Variants in PUS10 observed in about 807,000 individuals in gnomAD.
The protein encoded by PUS10 is tRNA pseudouridine synthase Pus10.
A neutral mutation model predicts 75.0 loss-of-function variants in PUS10; 59 were observed. The observed-to-expected ratio is 0.79, with a 90% CI of 0.64 to 0.98. PUS10 has a LOEUF of 0.98. Ranked by LOEUF, PUS10 falls within the 50% of genes least tolerant of loss-of-function variation. PUS10 has a pLI of 0.00. For synonymous variants in PUS10, 219 were observed against 211.6 expected (o/e 1.03, Z -0.30); for missense variants, 650 against 614.4 (o/e 1.06, Z -0.61).
At chr2:60,980,690 T>C (rs892025444) in intron 4 of PUS10, among the ~76,000 whole-genome samples, 1 of 152,164 alleles carries the variant, frequency 6.6e-6, no homozygotes, top group African/African-American at 2.4e-5. Context: ...CAAACACACA[T>C]GAACACACAA....
Position 60,956,974 on chromosome 2 carries a change from C to CAAAAAAAAAAAAAAAAAAAAA in PUS10, c.1001-1921_1001-1901dup, listed in dbSNP as rs56804354. Among the ~76,000 whole-genome samples the CAAAAAAAAAAAAAAAAAAAAA allele has an allele frequency of 2.0e-3, 38 of 19,218 alleles. 1 individual carries two copies. Among genetic ancestry groups the CAAAAAAAAAAAAAAAAAAAAA allele is most frequent in the East Asian group, 4.2e-3 (1 of 238 alleles). 12.6% of individuals were successfully genotyped at this position (19,218 alleles called of 152,430 possible). Reference sequence around the variant, plus strand: ...CGGGTGACAGAGCGAGACTCCATCTCAAAAAAAAAAAAAAAAAAAAAAAAA... The same window carrying CAAAAAAAAAAAAAAAAAAAAA: ...CGGGTGACAGAGCGAGACTCCATCTCAAAAAAAAAAAAAAAAAAAAAAAAAAAAAAAAAAAAAAAAAAAAAA... On this transcript the variant is annotated intron_variant, in intron 11 of 17. Transcript: ENST00000316752.
At chr2:61,013,121 T>C (rs896505600) in intron 1 of PUS10, among the ~76,000 whole-genome samples, 1 of 151,594 alleles carries the variant, frequency 6.6e-6, no homozygotes, top group Non-Finnish European at 1.5e-5. Flanking sequence ...GGCATGGTGG[T>C]ACACACCTGT....
chr2:60,982,494 C>T (rs1677459295), intron 4 of PUS10, among the ~76,000 whole-genome samples: 1 of 151,988 alleles, frequency 6.6e-6, no homozygotes, highest in East Asian at 1.9e-4. Context: ...AACTCCTGAC[C>T]TCAAATGATC....
At chr2:61,012,337 C>A (rs1391025994) in intron 1 of PUS10, among the ~76,000 whole-genome samples, 1 of 151,978 alleles carries the variant, frequency 6.6e-6, no homozygotes, top group Admixed American at 6.6e-5. Context: ...GGTAGTGGGG[C>A]TCAGAAAGCC....
At chr2:60,953,187 T>A (rs1439137604) in intron 14 of PUS10, 73 bp from the exon 15 acceptor site, 1 of 791,700 alleles carries the variant, frequency 1.3e-6, no homozygotes, top group African/African-American at 1.7e-5. Context: ...GAATTAGCCT[T>A]TCTTTAAAAA....
intron 2 of PUS10, among the ~76,000 whole-genome samples, chr2:61,011,257 T>A (rs895512991): frequency 6.6e-6 from 1 of 152,188 alleles, no homozygotes; most frequent in African/African-American, 2.4e-5. Context: ...ACCATAAATG[T>A]CAAAGATCTC....
chr2:60,992,903 G>A (rs1319343754), intron 4 of PUS10, among the ~76,000 whole-genome samples: 1 of 152,148 alleles, frequency 6.6e-6, no homozygotes, highest in Non-Finnish European at 1.5e-5. Flanking sequence ...TACACAAGTA[G>A]CTTTCAAATT....
chr2:60,986,489 C>T (rs1348568129), intron 4 of PUS10, among the ~76,000 whole-genome samples: 1 of 151,992 alleles, frequency 6.6e-6, no homozygotes, highest in African/African-American at 2.4e-5. Context: ...CACACAAGCC[C>T]CATATATCAT....
intron 4 of PUS10, among the ~76,000 whole-genome samples, chr2:60,986,922 T>C (rs1220879807): frequency 6.6e-6 from 1 of 152,154 alleles, no homozygotes; most frequent in East Asian, 1.9e-4. Context: ...AAAAAAGAGG[T>C]TTCTTGTAAA....
chr2:60,985,326 T>G (rs922326202), intron 4 of PUS10, among the ~76,000 whole-genome samples: 23 of 152,340 alleles, frequency 1.5e-4, no homozygotes, highest in African/African-American at 4.3e-4. Flanking sequence ...TAAAATGTAC[T>G]ATATTTATAG....
rs376152769 is a variant in PUS10 at position 60,961,453 on chromosome 2, A to C, written c.874+10T>G. ...CACAGTGTATGTATATTCTAGACTA[A>C]ATATTTTACCAGCCACAAAAACAGC... is the stretch of plus-strand genomic sequence containing the variant. On this transcript the variant is annotated intron_variant, in intron 10 of 17. Transcript: ENST00000316752. 2 of 1,608,206 alleles carry C rather than the reference A, an allele frequency of 1.2e-6. No individual in the cohort carries two copies. The highest frequency in any genetic ancestry group is 4.5e-5 in the East Asian group (2 of 44,848).
chr2:60,962,871 G>C lies in PUS10; in HGVS notation c.743C>G (p.Ala248Gly), dbSNP rs747877945. The C allele has an allele frequency of 1.3e-6, 2 of 1,568,448 alleles. No homozygotes were observed. The highest frequency in any genetic ancestry group is 2.8e-5 in the African/African-American group (2 of 70,544). ...TATCTTATTCAAGGCTTTCATAACT[G>C]CCATTCTAGTGAATACAGACTATAT... ...KNKQSVFTRM[A>G]VMKALNKIKE... Residue 248 changes from alanine (A) to glycine (G), a missense_variant, in exon 9 of 18, where the codon GCA becomes GGA. By Grantham distance (60) the Ala-to-Gly change is moderately conservative (BLOSUM62 0). Transcript: ENST00000316752.
At chr2:61,016,419 T>C (rs867652305) in intron 1 of PUS10, among the ~76,000 whole-genome samples, 16 of 152,260 alleles carry the variant, frequency 1.1e-4, no homozygotes, top group African/African-American at 3.6e-4. Context: ...CGTGAGATAA[T>C]TAAATGCCAG....
intron 4 of PUS10, among the ~76,000 whole-genome samples, chr2:60,997,877 G>T (rs1250406425): frequency 6.6e-6 from 1 of 152,172 alleles, no homozygotes; most frequent in South Asian, 2.1e-4. Context: ...ATTGAATGAA[G>T]TGGACCTTGG....
chr2:60,974,797 A>G (rs1297121798), intron 4 of PUS10, among the ~76,000 whole-genome samples: 2 of 151,312 alleles, frequency 1.3e-5, no homozygotes, highest in South Asian at 4.2e-4. Flanking sequence ...CGATGGCTGG[A>G]CCCCATGCTC....
chr2:60,983,799 G>A (rs554206926), intron 4 of PUS10, among the ~76,000 whole-genome samples: 1 of 150,720 alleles, frequency 6.6e-6, no homozygotes, highest in African/African-American at 2.4e-5. Context: ...TAGTAAAAAA[G>A]AAATGACAAA....
At chr2:60,947,605 G>A (rs1361478229) in intron 16 of PUS10, among the ~76,000 whole-genome samples, 2 of 152,064 alleles carry the variant, frequency 1.3e-5, no homozygotes, top group Non-Finnish European at 2.9e-5. Context: ...CGAGGTGGGC[G>A]GATCACGAGG....
chr2:60,993,141 T>C (rs994233480), intron 4 of PUS10, among the ~76,000 whole-genome samples: 4 of 152,158 alleles, frequency 2.6e-5, no homozygotes, highest in Non-Finnish European at 4.4e-5. Context: ...TAGGGTTTTT[T>C]ACATCAGAGT....
chr2:60,971,460 G>A, intron 5 of PUS10, 63 bp downstream of exon 5: 1 of 1,414,368 alleles, frequency 7.1e-7, no homozygotes, highest in South Asian at 1.2e-5. Flanking sequence ...TAGTAAAAGT[G>A]CTTTAAGAAC....
Sources: allele counts gnomAD v4.1 joint callset (sites outside exome capture counted in the v4.1 genomes callset), GRCh38; gene constraint gnomAD v4.1.1; transcripts MANE v1.5; gene names NCBI Gene and HGNC (gene_info 2026-07-23, HGNC 2026-07-21).